SGMS1: variants seen among roughly 807,000 people sequenced by gnomAD.
SGMS1 encodes the protein sphingomyelin synthase 1, also known as phosphatidylcholine:ceramide cholinephosphotransferase 1.
A neutral mutation model predicts 46.2 loss-of-function variants in SGMS1; 13 were observed. That is an observed-to-expected ratio of 0.28 (90% CI 0.18 to 0.45). The LOEUF is 0.45. Among genes scored for constraint, SGMS1 ranks in the 20% least tolerant of loss-of-function variants. The pLI is 1.00. For missense variants in SGMS1, 324 were observed against 519.9 expected (o/e 0.62, Z 3.66); for synonymous variants, 203 against 187.8 (o/e 1.08, Z -0.66).
chr10:50,463,271 C>G (rs892071619), intron 4 of SGMS1, among the ~76,000 whole-genome samples: 3 of 152,088 alleles, frequency 2.0e-5, no homozygotes, highest in African/African-American at 7.2e-5. Flanking sequence ...AACCATATAT[C>G]TGACAAAGTG....
intron 1 of SGMS1, among the ~76,000 whole-genome samples, chr10:50,600,609 G>A (rs1838640519): frequency 6.6e-6 from 1 of 152,192 alleles, no homozygotes; most frequent in African/African-American, 2.4e-5. Flanking sequence ...TTGAGCAGAT[G>A]CCAAATTGAT....
At chr10:50,370,471 G>A (rs1210190955) in intron 6 of SGMS1, among the ~76,000 whole-genome samples, 1 of 149,786 alleles carries the variant, frequency 6.7e-6, no homozygotes, top group Non-Finnish European at 1.5e-5. Context: ...AGCCAGGCAT[G>A]GTGGCTCACA....
In SGMS1 at chr10:50,437,490, CTT is replaced by C. The variant is rs1032717201; in HGVS notation, c.-312-3936_-312-3935del. ...CAAGCCCACGCAGTCTAGCTTTAGT[CTT>C]TGTTCTTAACCACTATACTACACTG... is the stretch of plus-strand genomic sequence containing the variant. On this transcript the variant is annotated intron_variant, in intron 5 of 10. Transcript: ENST00000361781. 2.6e-5 allele frequency among the ~76,000 whole-genome samples: 4 copies of C among 152,290 alleles called. No individual in the cohort carries two copies. In the East Asian group the frequency reaches 7.7e-4, roughly 29 times the overall value.
At chr10:50,557,709 C>G (rs1335143958) in intron 2 of SGMS1, among the ~76,000 whole-genome samples, 1 of 149,334 alleles carries the variant, frequency 6.7e-6, no homozygotes, top group Non-Finnish European at 1.5e-5. Flanking sequence ...AAAATGGCAG[C>G]CAAAAAAATT....
At chr10:50,595,999 A>G (rs1838588476) in intron 1 of SGMS1, among the ~76,000 whole-genome samples, 2 of 152,242 alleles carry the variant, frequency 1.3e-5, no homozygotes, top group African/African-American at 4.8e-5. Context: ...CCTGGCACAC[A>G]GCAGGCATCA....
chr10:50,382,558 A>AACACAC (rs1240446247), intron 6 of SGMS1, among the ~76,000 whole-genome samples: 840 of 69,258 alleles, frequency 0.012, 11 homozygotes, highest in African/African-American at 0.048. Context: ...CACACACACA[A>AACACAC]ACACACACAT....
At chr10:50,489,269 A>T (rs188941905) in intron 3 of SGMS1, among the ~76,000 whole-genome samples, 12 of 152,208 alleles carry the variant, frequency 7.9e-5, no homozygotes, top group South Asian at 2.1e-4. Context: ...ATATATACCA[A>T]ATTCACCCAC....
At chr10:50,588,987 T>C (rs1186739609) in intron 2 of SGMS1, among the ~76,000 whole-genome samples, 1 of 152,136 alleles carries the variant, frequency 6.6e-6, no homozygotes, top group African/African-American at 2.4e-5. Flanking sequence ...TGCCTCGGCC[T>C]CCCAAAGTGC....
At chr10:50,434,840 C>A (rs1327238344) in intron 5 of SGMS1, among the ~76,000 whole-genome samples, 2 of 147,380 alleles carry the variant, frequency 1.4e-5, no homozygotes, top group African/African-American at 5.0e-5. Context: ...GCCGAGATCA[C>A]GCCACTGCAC....
chr10:50,487,915 T>C (rs1257750612), intron 3 of SGMS1, among the ~76,000 whole-genome samples: 5 of 152,026 alleles, frequency 3.3e-5, no homozygotes, highest in African/African-American at 4.8e-5. Context: ...CACTACAGTG[T>C]TTTCTGAAAA....
In SGMS1 at chr10:50,458,339, C is replaced by CTTTTTTTTTTTTTT. The variant is rs750349777; in HGVS notation, c.-313+2320_-313+2333dup. 6.3e-4 allele frequency among the ~76,000 whole-genome samples: 61 copies of CTTTTTTTTTTTTTT among 97,132 alleles called. 4 individuals are homozygous for CTTTTTTTTTTTTTT. Among genetic ancestry groups the CTTTTTTTTTTTTTT allele is most frequent in the Non-Finnish European group, 8.2e-4 (43 of 52,224 alleles). The allele number at this position is 97,132 out of a possible 152,430, so 63.7% of individuals were successfully genotyped here. A position where few individuals can be genotyped will look rare whatever the true frequency, so the allele number is the denominator to read the frequency against. On this transcript the variant is annotated intron_variant, in intron 5 of 10. Transcript: ENST00000361781. The stretch of plus-strand genomic sequence containing the variant: ...TCTGGCTCTGCTATTTTCTTTTTCT[C>CTTTTTTTTTTTTTT]TTTTTTTTTTTTTTTTTTTTTTTTT...
chr10:50,529,522 T>A (rs1407271220), intron 2 of SGMS1, among the ~76,000 whole-genome samples: 1 of 152,192 alleles, frequency 6.6e-6, no homozygotes, highest in Non-Finnish European at 1.5e-5. Flanking sequence ...TCTTTGAAAC[T>A]TAATAGTCAG....
intron 2 of SGMS1, among the ~76,000 whole-genome samples, chr10:50,533,042 T>G (rs918639587): frequency 6.6e-6 from 1 of 152,094 alleles, no homozygotes; most frequent in Non-Finnish European, 1.5e-5. Context: ...ACCGCATAAA[T>G]CCAAAGGATG....
At chr10:50,401,370 T>C (rs997999177) in intron 6 of SGMS1, among the ~76,000 whole-genome samples, 3 of 152,214 alleles carry the variant, frequency 2.0e-5, no homozygotes, top group African/African-American at 7.2e-5. Flanking sequence ...TAAAAACTCT[T>C]TGATGGAGAC....
intron 8 of SGMS1, among the ~76,000 whole-genome samples, chr10:50,318,253 C>G (rs750969078): frequency 6.6e-6 from 1 of 152,072 alleles, no homozygotes. Flanking sequence ...TTTATAGGAA[C>G]AACAATGAGC....
intron 6 of SGMS1, among the ~76,000 whole-genome samples, chr10:50,427,538 CA>C (rs1194356217): frequency 6.6e-6 from 1 of 152,128 alleles, no homozygotes; most frequent in Non-Finnish European, 1.5e-5. Context: ...TTAAATGGCA[CA>C]GTAAATACAA....
At chr10:50,590,412 C>G (rs1346258858) in intron 1 of SGMS1, among the ~76,000 whole-genome samples, 165 bp from the exon 2 acceptor site, 3 of 152,154 alleles carry the variant, frequency 2.0e-5, no homozygotes, top group Non-Finnish European at 4.4e-5. Flanking sequence ...ATAATCCCAT[C>G]ACATATTGAA....
chr10:50,495,897 G>A (rs1837611281), intron 3 of SGMS1, among the ~76,000 whole-genome samples: 1 of 152,300 alleles, frequency 6.6e-6, no homozygotes, highest in Admixed American at 6.5e-5. Flanking sequence ...AGGGAGAACT[G>A]AGATGAAAGG....
chr10:50,389,527 C>G (rs1201819223), intron 6 of SGMS1, among the ~76,000 whole-genome samples: 1 of 152,172 alleles, frequency 6.6e-6, no homozygotes, highest in Admixed American at 6.6e-5. Flanking sequence ...TCACAAGGCA[C>G]ACACCAGCAA....
Sources: gnomAD v4.1 joint callset for allele counts (sites outside exome capture counted in the v4.1 genomes callset) on GRCh38, gnomAD v4.1.1 for gene constraint, MANE v1.5 for transcripts, NCBI Gene and HGNC (gene_info 2026-07-23, HGNC 2026-07-21) for gene names.